Variants in MCM3 observed in about 807,000 individuals in gnomAD.
MCM3 encodes the protein DNA replication licensing factor MCM3.
In MCM3, 59 loss-of-function variants were observed where a neutral mutation model predicts 91.3. The ratio of observed to expected loss-of-function variants is 0.65; its 90% CI spans 0.52 to 0.80. The LOEUF (loss-of-function observed/expected upper bound fraction) is 0.80, where lower values mean the gene tolerates loss of function less well. MCM3 is among the 30% of genes least tolerant of loss of function. MCM3 has a pLI of 0.00. For synonymous variants in MCM3, 383 were observed against 379.6 expected (o/e 1.01, Z -0.10); for missense variants, 919 against 1,035.4 (o/e 0.89, Z 1.54).
chr6:52,277,130 T>C lies in MCM3; in HGVS notation c.1102A>G (p.Thr368Ala). The C allele has an allele frequency of 1.2e-6, 2 of 1,613,952 alleles. No individual in the cohort carries two copies. Among genetic ancestry groups the C allele is most frequent in the Non-Finnish European group, 1.7e-6 (2 of 1,179,944 alleles). ...VLCTAPRAIP[T>A]TGRGSSGVGL... ...ACTCCAGAGGAGCCCCGGCCAGTGG[T>C]GGGGATAGCTCGGGGTGCAGTGCAA... is the stretch of plus-strand genomic sequence containing the variant. Residue 368 changes from threonine (T) to alanine (A), a missense_variant, in exon 8 of 17, where the codon ACC becomes GCC. Transcript: ENST00000596288.
In MCM3 at chr6:52,264,469, C is replaced by T; in HGVS notation, c.*119G>A. On this transcript the variant is annotated 3_prime_UTR_variant, in exon 17 of 17. Coordinates refer to ENST00000596288, the MANE Select transcript of MCM3 (RefSeq NM_002388.6). ...ACTCAGCTTCATCACCAACATTCCT[C>T]GCCTTCAGTTGAATTCAACACTGTT... 2 of 1,096,690 alleles carry T rather than the reference C, an allele frequency of 1.8e-6. No homozygotes were observed. Among genetic ancestry groups the T allele is most frequent in the South Asian group, 2.9e-5 (2 of 68,548 alleles). The allele number at this position is 1,096,690 out of a possible 1,614,324, so 67.9% of individuals were successfully genotyped here.
intron 14 of MCM3, 47 bp from the exon 15 acceptor site, chr6:52,266,743 A>G (rs767258145): frequency 3.4e-6 from 5 of 1,455,454 alleles, no homozygotes; most frequent in Non-Finnish European, 4.8e-6. Context: ...TTGGAGACAG[A>G]AAGGCAAGGA....
At position 52,282,179 on chromosome 6, in the gene MCM3, G is replaced by C; in HGVS notation, c.401-4C>G. The C allele has an allele frequency of 6.2e-7, 1 of 1,614,046 alleles. No individual in the cohort carries two copies. Among genetic ancestry groups the C allele is most frequent in the Non-Finnish European group, 8.5e-7 (1 of 1,179,942 alleles). On this transcript the variant is annotated splice_region_variant and splice_polypyrimidine_tract_variant and intron_variant, in intron 3 of 16. Transcript: ENST00000596288. Reference sequence around the variant, plus strand: ...ACTTTGGGACGAACTAGAGAACCTAGGGATGGAAAATGTGCATATATAAAC... The same window carrying C: ...ACTTTGGGACGAACTAGAGAACCTACGGATGGAAAATGTGCATATATAAAC...
At position 52,264,016 on chromosome 6, in the gene MCM3, C is replaced by T. The variant is rs1764446879; in HGVS notation, c.*572G>A. 6.4e-6 allele frequency: 1 copy of T among 156,790 alleles called. No individual in the cohort carries two copies. Among genetic ancestry groups the T allele is most frequent in the Non-Finnish European group, 1.4e-5 (1 of 70,800 alleles). 9.7% of individuals were successfully genotyped at this position (156,790 alleles called of 1,614,324 possible). A position where few individuals can be genotyped will look rare whatever the true frequency, so the allele number is the denominator to read the frequency against. On this transcript the variant is annotated 3_prime_UTR_variant, in exon 17 of 17. Transcript: ENST00000596288. ...AAAAACACACTATGACTATTAAGACCATGTGTACGAAATGGCTAAGTTTAT... is the reference window on the plus strand; with the variant it reads ...AAAAACACACTATGACTATTAAGACTATGTGTACGAAATGGCTAAGTTTAT...
intron 9 of MCM3, among the ~76,000 whole-genome samples, 200 bp from the exon 10 acceptor site, chr6:52,274,116 A>G (rs1162067509): frequency 6.6e-6 from 1 of 152,122 alleles, no homozygotes; most frequent in Non-Finnish European, 1.5e-5. Flanking sequence ...TCTTTAACTG[A>G]GCTTCCTAGG....
chr6:52,278,685 A>C, intron 6 of MCM3, 57 bp downstream of exon 6: 1 of 1,252,920 alleles, frequency 8.0e-7, no homozygotes, highest in Non-Finnish European at 1.2e-6. Flanking sequence ...GCCATGCACC[A>C]AAACACAACT....
chr6:52,269,036 C>G (rs1415113576), intron 13 of MCM3, 50 bp downstream of exon 13: 1 of 1,564,380 alleles, frequency 6.4e-7, no homozygotes, highest in Non-Finnish European at 8.7e-7. Context: ...GCCCATGCAT[C>G]TGTAATATAT....
rs2307332 is a variant in MCM3 at position 52,282,740 on chromosome 6, T to G, written c.313A>C (p.Ser105Arg). ...YEEFYVGLEGSFGSKHVSPRT... is the reference protein window; with the variant it reads ...YEEFYVGLEGRFGSKHVSPRT... ...GGGGAGACGTGCTTGGAGCCAAAGC[T>G]GCCTTCCAGTCCTACGTAGAACTCC... The change falls in exon 3 of 17, where the codon AGC becomes CGC. Residue 105 changes from serine (S) to arginine (R), a missense_variant. Physicochemically the swap from Ser to Arg is moderately radical, Grantham distance 110. Coordinates refer to ENST00000596288, the MANE Select transcript of MCM3 (RefSeq NM_002388.6). 1 of 1,614,096 alleles carries G rather than the reference T, an allele frequency of 6.2e-7. No individual in the cohort carries two copies.
At chr6:52,277,022 T>C (rs751697110) in intron 8 of MCM3, 45 bp downstream of exon 8, 1 of 1,591,210 alleles carries the variant, frequency 6.3e-7, no homozygotes, top group South Asian at 1.1e-5. Context: ...GGATCTATGC[T>C]CAGGCTCTCT....
At chr6:52,270,488 C>T (rs983416930) in intron 12 of MCM3, among the ~76,000 whole-genome samples, 1 of 152,094 alleles carries the variant, frequency 6.6e-6, no homozygotes, top group Admixed American at 6.6e-5. Flanking sequence ...AAAATAAATA[C>T]ATTCACATTT....
At position 52,273,907 on chromosome 6, in the gene MCM3, A is replaced by C; in HGVS notation, c.1384T>G (p.Tyr462Asp). Residue 462 changes from tyrosine to aspartate, a missense_variant, in exon 10 of 17, where the codon TAT becomes GAT. Physicochemically the swap from Tyr to Asp is radical, Grantham distance 160 (BLOSUM62 -3). This residue lies in a region of MCM3 where 233 missense variants were observed against 321.2 expected (regional missense o/e 0.73). Coordinates refer to ENST00000596288, the MANE Select transcript of MCM3 (RefSeq NM_002388.6). ...CCAATGTTCTCCATTGGAGTCTTATACTGGTCATACTGGGGAATGCGAGGA... is the reference window on the plus strand; with the variant it reads ...CCAATGTTCTCCATTGGAGTCTTATCCTGGTCATACTGGGGAATGCGAGGA... Reference protein sequence around the residue: ...ANPVYGRYDQYKTPMENIGLQ... With the variant: ...ANPVYGRYDQDKTPMENIGLQ... 1 of 1,610,110 alleles carries C rather than the reference A, an allele frequency of 6.2e-7. No homozygotes were observed. Among genetic ancestry groups the C allele is most frequent in the Non-Finnish European group, 8.5e-7 (1 of 1,177,696 alleles).
intron 16 of MCM3, 94 bp from the exon 17 acceptor site, chr6:52,264,880 G>A: frequency 9.9e-7 from 1 of 1,007,202 alleles, no homozygotes; most frequent in Non-Finnish European, 1.5e-6. Flanking sequence ...TATTAATACA[G>A]TAGAGGCGTC....
At position 52,282,718 on chromosome 6, in the gene MCM3, G is replaced by T. The variant is rs1415108126; in HGVS notation, c.335C>A (p.Ser112Tyr). The T allele has an allele frequency of 6.2e-7, 1 of 1,613,988 alleles. No individual in the cohort carries two copies. Among genetic ancestry groups the T allele is most frequent in the South Asian group, 1.1e-5 (1 of 91,068 alleles). Residue 112 changes from serine (S) to tyrosine (Y), a missense_variant, in exon 3 of 17, where the codon TCC becomes TAC. Ser to Tyr is a moderately radical substitution (Grantham distance 144). This residue lies in a region of MCM3 where 401 missense variants were observed against 402.7 expected (regional missense o/e 1.00). Coordinates refer to ENST00000596288, the MANE Select transcript of MCM3 (RefSeq NM_002388.6). ...GAAGCAGGAGGTAAGAGTCCGCGGG[G>T]AGACGTGCTTGGAGCCAAAGCTGCC... ...LEGSFGSKHVSPRTLTSCFLS... is the reference protein window; with the variant it reads ...LEGSFGSKHVYPRTLTSCFLS...
chr6:52,274,655 C>T lies in MCM3; in HGVS notation c.1375-739G>A, dbSNP rs533039483. On this transcript the variant is annotated intron_variant, in intron 9 of 16. Coordinates refer to ENST00000596288, the MANE Select transcript of MCM3 (RefSeq NM_002388.6). ...AGTGAGCCAGGATCACTCCACTGTA[C>T]TCCAGCTTGGGTGGCAGGGTAAGAC... 2.0e-5 allele frequency among the ~76,000 whole-genome samples: 3 copies of T among 151,126 alleles called. 1 individual carries two copies. The East Asian group carries it at 5.9e-4, about 29-fold the overall frequency.
chr6:52,267,085 C>T (rs1478306243), intron 14 of MCM3, among the ~76,000 whole-genome samples: 1 of 135,582 alleles, frequency 7.4e-6, no homozygotes, highest in Non-Finnish European at 1.6e-5. Flanking sequence ...CTCTTTTACC[C>T]AGGGTATCTT....
At chr6:52,270,988 G>A (rs535855442) in intron 12 of MCM3, among the ~76,000 whole-genome samples, 171 of 152,238 alleles carry the variant, frequency 1.1e-3, no homozygotes, top group African/African-American at 2.7e-3. Context: ...CGAGATGGGC[G>A]GATCACGAGG....
chr6:52,264,222 A>C lies in MCM3; in HGVS notation c.*366T>G, dbSNP rs1484195641. 3 of 241,736 alleles carry C rather than the reference A, an allele frequency of 1.2e-5. No individual in the cohort carries two copies. 15.0% of individuals were successfully genotyped at this position (241,736 alleles called of 1,614,324 possible). ...GACCAAAGTGCTCTGGAGAAAAAAA[A>C]CAAAACAAAAAAACAGCAAACAGAA... On this transcript the variant is annotated 3_prime_UTR_variant, in exon 17 of 17. Transcript: ENST00000596288.
chr6:52,283,250 G>T (rs1397644322), intron 2 of MCM3, 44 bp downstream of exon 2: 17 of 1,511,452 alleles, frequency 1.1e-5, no homozygotes, highest in East Asian at 6.8e-5. Flanking sequence ...AAGAGGGAAG[G>T]GAGCCATTCT....
At position 52,277,142 on chromosome 6, in the gene MCM3, G is replaced by C; in HGVS notation, c.1090C>G (p.Arg364Gly). The part of the protein sequence containing the change: ...LLRYVLCTAP[R>G]AIPTTGRGSS... The stretch of plus-strand genomic sequence containing the variant: ...CCCCGGCCAGTGGTGGGGATAGCTC[G>C]GGGTGCAGTGCAAAGCACATACCGC... Residue 364 changes from arginine (R) to glycine (G), a missense_variant, in exon 8 of 17, where the codon CGA (arginine) becomes GGA (glycine). Around this residue, in one of 3 missense-constraint regions of MCM3, gnomAD observed 233 missense variants for 321.2 expected, o/e 0.73. Coordinates refer to ENST00000596288, the MANE Select transcript of MCM3 (RefSeq NM_002388.6). 3 of 1,614,020 alleles carry C rather than the reference G, an allele frequency of 1.9e-6. No individual in the cohort carries two copies. The highest frequency in any genetic ancestry group is 2.2e-5 in the South Asian group (2 of 91,072).
Sources: allele counts gnomAD v4.1 joint callset (sites outside exome capture counted in the v4.1 genomes callset), GRCh38; gene constraint gnomAD v4.1.1; regional missense constraint gnomAD v4.1.1; transcripts MANE v1.5; gene names NCBI Gene and HGNC (gene_info 2026-07-23, HGNC 2026-07-21).